Variants in MGMT observed in about 807,000 individuals in gnomAD.
MGMT encodes O-6-methylguanine-DNA methyltransferase.
MGMT carries 14 observed loss-of-function variants against 15.9 expected under a neutral mutation model. That is an observed-to-expected ratio of 0.88 (90% CI 0.58 to 1.37). The LOEUF (loss-of-function observed/expected upper bound fraction) is 1.37. Among genes scored for constraint, MGMT ranks in the 40% most tolerant of loss-of-function variants. The probability of loss-of-function intolerance (pLI) is 0.00; values close to 1 mark genes in which losing one functional copy is unlikely to be tolerated. For synonymous variants in MGMT, 130 were observed against 118.2 expected (o/e 1.10, Z -0.65); for missense variants, 282 against 268.1 (o/e 1.05, Z -0.36).
Position 129,529,159 on chromosome 10 carries a change from G to A in MGMT, c.-12-7082G>A, listed in dbSNP as rs536358338. ...TGTGAAGCGAGAGCGAGGCTGGAGT[G>A]TGAGGGGCAGTGGCAGGGGGAGCGG... On this transcript the variant is annotated intron_variant, in intron 1 of 4. Coordinates refer to ENST00000651593, the MANE Select transcript of MGMT (RefSeq NM_002412.5). Among the ~76,000 whole-genome samples, 450 of 151,942 alleles carry A rather than the reference G, an allele frequency of 3.0e-3. 2 individuals carry two copies. The highest frequency in any genetic ancestry group is 0.01 in the African/African-American group (426 of 41,408).
chr10:129,536,532 C>T (rs897719980), intron 2 of MGMT, 155 bp downstream of exon 2: 8 of 876,870 alleles, frequency 9.1e-6, no homozygotes, highest in South Asian at 2.1e-5. Context: ...CAGTGTGCTG[C>T]GACGGCTCCT....
At chr10:129,604,486 G>A (rs1195026273) in intron 2 of MGMT, among the ~76,000 whole-genome samples, 3 of 152,236 alleles carry the variant, frequency 2.0e-5, no homozygotes, top group Non-Finnish European at 4.4e-5. Context: ...TTTCTCAGAT[G>A]TGTGACTTGT....
intron 2 of MGMT, among the ~76,000 whole-genome samples, chr10:129,704,444 T>A (rs1848135654): frequency 6.6e-6 from 1 of 152,024 alleles, no homozygotes; most frequent in Admixed American, 6.6e-5. Context: ...GGTACTGGGC[T>A]GAATGAGGGC....
At chr10:129,687,937 AAC>A (rs1847927405) in intron 2 of MGMT, among the ~76,000 whole-genome samples, 2 of 151,702 alleles carry the variant, frequency 1.3e-5, no homozygotes, top group East Asian at 3.9e-4. Context: ...TATGAGTGAG[AAC>A]ACATGGTGTT....
At chr10:129,708,518 C>T (rs900120485) in intron 3 of MGMT, among the ~76,000 whole-genome samples, 4 of 152,162 alleles carry the variant, frequency 2.6e-5, no homozygotes, top group Non-Finnish European at 4.4e-5. Context: ...ATTTCTCAAA[C>T]GTACCAGAGT....
intron 2 of MGMT, among the ~76,000 whole-genome samples, chr10:129,583,617 A>G (rs1273086303): frequency 6.6e-6 from 1 of 152,044 alleles, no homozygotes; most frequent in Non-Finnish European, 1.5e-5. Context: ...ATTCTTCTTC[A>G]TTGCATCTGA....
chr10:129,596,682 T>C (rs1410719841), intron 2 of MGMT, among the ~76,000 whole-genome samples: 1 of 152,238 alleles, frequency 6.6e-6, no homozygotes, highest in Non-Finnish European at 1.5e-5. Context: ...GCACCTGCTT[T>C]TGATGCCTCA....
At chr10:129,590,671 C>T (rs1451532091) in intron 2 of MGMT, among the ~76,000 whole-genome samples, 1 of 152,190 alleles carries the variant, frequency 6.6e-6, no homozygotes, top group African/African-American at 2.4e-5. Flanking sequence ...AGGCTAGAAA[C>T]TCTCAATAAA....
At chr10:129,761,011 G>C (rs1279485337) in intron 4 of MGMT, among the ~76,000 whole-genome samples, 1 of 152,196 alleles carries the variant, frequency 6.6e-6, no homozygotes. Flanking sequence ...TTCTGAGGAT[G>C]GTTTTTGACA....
chr10:129,740,397 G>C (rs1417747200), intron 3 of MGMT, among the ~76,000 whole-genome samples: 1 of 152,108 alleles, frequency 6.6e-6, no homozygotes, highest in African/African-American at 2.4e-5. Context: ...AGAGCAAGAA[G>C]GTCTTCTAAG....
intron 2 of MGMT, among the ~76,000 whole-genome samples, chr10:129,591,164 G>A (rs1276948708): frequency 5.9e-5 from 9 of 152,176 alleles, no homozygotes; most frequent in Admixed American, 4.6e-4. Flanking sequence ...AGGCGAGACT[G>A]GCCAGAACTG....
chr10:129,718,213 G>C (rs957813343), intron 3 of MGMT, among the ~76,000 whole-genome samples: 1 of 152,228 alleles, frequency 6.6e-6, no homozygotes, highest in African/African-American at 2.4e-5. Flanking sequence ...CATCTCTTCT[G>C]CTTCATCTGC....
In MGMT at chr10:129,725,814, C is replaced by T. The variant is rs140443371; in HGVS notation, c.274+17771C>T. On this transcript the variant is annotated intron_variant, in intron 3 of 4. Transcript: ENST00000651593. ...TCTGCAGGCAGAGGAGTCGGCTCCACGGTCCTCCATGTAAACTACCGGGAT... is the reference window on the plus strand; with the variant it reads ...TCTGCAGGCAGAGGAGTCGGCTCCATGGTCCTCCATGTAAACTACCGGGAT... Among the ~76,000 whole-genome samples, 14 of 152,330 alleles carry T rather than the reference C, an allele frequency of 9.2e-5. No individual in the cohort carries two copies. The East Asian group carries it at 1.2e-3, about 13-fold the overall frequency.
At chr10:129,761,230 T>A (rs901827815) in intron 4 of MGMT, among the ~76,000 whole-genome samples, 10 of 151,752 alleles carry the variant, frequency 6.6e-5, no homozygotes, top group Non-Finnish European at 1.3e-4. Flanking sequence ...TTTCAGGCAG[T>A]GTCTACTCTT....
chr10:129,631,177 T>C (rs1462409884), intron 2 of MGMT, among the ~76,000 whole-genome samples: 1 of 152,142 alleles, frequency 6.6e-6, no homozygotes, highest in Non-Finnish European at 1.5e-5. Flanking sequence ...TTTTGATGAC[T>C]AAGATCCCAT....
At chr10:129,525,304 G>A (rs1023554068) in intron 1 of MGMT, among the ~76,000 whole-genome samples, 1 of 152,178 alleles carries the variant, frequency 6.6e-6, no homozygotes, top group Non-Finnish European at 1.5e-5. Flanking sequence ...TTTATTTTAA[G>A]TATGATTTTT....
intron 1 of MGMT, among the ~76,000 whole-genome samples, chr10:129,506,666 C>T (rs1845628549): frequency 6.6e-6 from 1 of 152,176 alleles, no homozygotes; most frequent in African/African-American, 2.4e-5. Context: ...TCCCATCTCT[C>T]GTTCCTATAA....
intron 4 of MGMT, among the ~76,000 whole-genome samples, chr10:129,766,294 G>A (rs1848933458): frequency 6.6e-6 from 1 of 152,172 alleles, no homozygotes; most frequent in Admixed American, 6.5e-5. Context: ...AGCAGGTGGT[G>A]GGCTGCGTGC....
chr10:129,613,618 A>G (rs1205131459), intron 2 of MGMT, among the ~76,000 whole-genome samples: 8 of 152,208 alleles, frequency 5.3e-5, no homozygotes, highest in Admixed American at 4.6e-4. Context: ...TTTTTAACGC[A>G]ACTTGATAAA....
Sources: gnomAD v4.1 joint callset for allele counts (sites outside exome capture counted in the v4.1 genomes callset) on GRCh38, gnomAD v4.1.1 for gene constraint, MANE v1.5 for transcripts, NCBI Gene and HGNC (gene_info 2026-07-23, HGNC 2026-07-21) for gene names.